MAP3K8: variants seen among roughly 807,000 people sequenced by gnomAD.
The protein encoded by MAP3K8 is mitogen-activated protein kinase kinase kinase 8, also known as Ewing sarcoma transformant.
MAP3K8 carries 22 observed loss-of-function variants against 45.8 expected under a neutral mutation model. The observed-to-expected ratio is 0.48, with a 90% CI of 0.34 to 0.69. The LOEUF (loss-of-function observed/expected upper bound fraction) is 0.69, where lower values mean the gene tolerates loss of function less well. MAP3K8 is among the 30% of genes least tolerant of loss of function. The pLI is 0.01. For synonymous variants in MAP3K8, 223 were observed against 214.3 expected (o/e 1.04, Z -0.36); for missense variants, 419 against 585.0 (o/e 0.72, Z 2.93).
At chr10:30,445,869 G>GTA (rs1836309327) in intron 3 of MAP3K8, among the ~76,000 whole-genome samples, 2 of 152,218 alleles carry the variant, frequency 1.3e-5, no homozygotes, top group South Asian at 4.1e-4. Flanking sequence ...ATCTGTTTGT[G>GTA]GGATGTGTAG....
intron 3 of MAP3K8, among the ~76,000 whole-genome samples, chr10:30,440,210 C>T (rs187068897): frequency 6.6e-6 from 1 of 152,168 alleles, no homozygotes; most frequent in African/African-American, 2.4e-5. Context: ...TTTAGTATGT[C>T]AGAGGTGAAC....
chr10:30,453,752 C>T (rs959024789), intron 6 of MAP3K8, among the ~76,000 whole-genome samples: 2 of 151,720 alleles, frequency 1.3e-5, no homozygotes, highest in African/African-American at 4.9e-5. Flanking sequence ...TAGGGATGGG[C>T]GTGGTGTTCT....
chr10:30,450,215 C>T (rs1429021431), intron 4 of MAP3K8, 43 bp from the exon 5 acceptor site: 1 of 1,536,410 alleles, frequency 6.5e-7, no homozygotes, highest in Non-Finnish European at 8.8e-7. Context: ...TTTAAGATGA[C>T]TTTGGGGTTA....
chr10:30,457,039 G>A (rs1012944011), intron 6 of MAP3K8, among the ~76,000 whole-genome samples: 3 of 151,020 alleles, frequency 2.0e-5, no homozygotes, highest in African/African-American at 7.3e-5. Context: ...AACCGAGATC[G>A]CACCATTGCA....
chr10:30,451,950 A>G (rs1205557016), intron 6 of MAP3K8, among the ~76,000 whole-genome samples: 2 of 152,124 alleles, frequency 1.3e-5, no homozygotes, highest in African/African-American at 4.8e-5. Context: ...ATTTTTTGCT[A>G]TGTTATTTAT....
At chr10:30,460,439 A>G (rs180728316) in intron 8 of MAP3K8, among the ~76,000 whole-genome samples, 4 of 152,264 alleles carry the variant, frequency 2.6e-5, no homozygotes, top group African/African-American at 9.6e-5. Flanking sequence ...CTGCTTGTCT[A>G]ACTTTTGTGT....
At chr10:30,450,675 T>A (rs1836506491) in intron 5 of MAP3K8, 156 bp downstream of exon 5, 5 of 641,660 alleles carry the variant, frequency 7.8e-6, no homozygotes, top group Middle Eastern at 4.2e-4. Flanking sequence ...TATCTTAGAA[T>A]CATGCGGGGT....
At position 30,437,262 on chromosome 10, in the gene MAP3K8, C is replaced by A; in HGVS notation, c.-168C>A. ...AGAAAGGAAGCTAACGCAGTATCTG[C>A]AAAGCCAGGAGTCTGACTCAGTACT... is the stretch of plus-strand genomic sequence containing the variant. On this transcript the variant is annotated 5_prime_UTR_variant, in exon 2 of 9. Coordinates refer to ENST00000263056, the MANE Select transcript of MAP3K8 (RefSeq NM_005204.4). 2 of 985,368 alleles carry A rather than the reference C, an allele frequency of 2.0e-6. No homozygotes were observed. Among genetic ancestry groups the A allele is most frequent in the Non-Finnish European group, 2.4e-6 (2 of 829,888 alleles). 61.0% of individuals were successfully genotyped at this position (985,368 alleles called of 1,614,324 possible).
At chr10:30,460,499 C>T (rs534244681) in intron 8 of MAP3K8, among the ~76,000 whole-genome samples, 10 of 152,248 alleles carry the variant, frequency 6.6e-5, no homozygotes, top group Admixed American at 6.5e-4. Context: ...GGATTTCTAA[C>T]TAATTTCTTG....
chr10:30,440,732 T>C (rs759526358), intron 3 of MAP3K8, among the ~76,000 whole-genome samples: 8 of 152,236 alleles, frequency 5.3e-5, no homozygotes, highest in Non-Finnish European at 1.0e-4. Context: ...TATATGTCTA[T>C]ACCGAGAAAT....
intron 7 of MAP3K8, 22 bp downstream of exon 7, chr10:30,458,258 C>CGGG (rs1836810414): frequency 1.4e-5 from 7 of 499,846 alleles, no homozygotes; most frequent in South Asian, 2.7e-5. Flanking sequence ...TCAACCAGGG[C>CGGG]TGGGGGCGGC....
rs56017896 is a variant in MAP3K8, at chr10:30,453,915, AGAAGGAAGGAAGGAAG to A, written c.873+2198_873+2213del. Among the ~76,000 whole-genome samples the A allele has an allele frequency of 5.8e-4, 75 of 129,164 alleles. 5 individuals carry two copies. In the East Asian group the frequency reaches 0.01, roughly 18 times the overall value. The allele number at this position is 129,164 out of a possible 152,430, so 84.7% of individuals were successfully genotyped here. ...AGAAGGAAGGGAGGGAGGGAGAGAGAGAAGGAAGGAAGGAAGGAAGGAAGGAAGGAAGGAAGGAAGG... is the reference window on the plus strand; with the variant it reads ...AGAAGGAAGGGAGGGAGGGAGAGAGAGAAGGAAGGAAGGAAGGAAGGAAGG... On this transcript the variant is annotated intron_variant, in intron 6 of 8. Coordinates refer to ENST00000263056, the MANE Select transcript of MAP3K8 (RefSeq NM_005204.4).
chr10:30,447,831 T>C lies in MAP3K8; in HGVS notation c.386T>C (p.Leu129Pro). The part of the protein sequence containing the change: ...GRYQIDSDVL[L>P]IPWKLTYRNI... ...TACCAAATAGATTCCGATGTTCTCC[T>C]GATCCCCTGGAAGCTGACTTACAGG... Residue 129 changes from leucine (L) to proline (P), a missense_variant, in exon 4 of 9, where the codon CTG becomes CCG. Physicochemically the swap from Leu to Pro is moderately conservative, Grantham distance 98. This residue lies in a region of MAP3K8 where 209 missense variants were observed against 367.3 expected (regional missense o/e 0.57). Transcript: ENST00000263056. 1 of 1,613,916 alleles carries C rather than the reference T, an allele frequency of 6.2e-7. No individual in the cohort carries two copies. The highest frequency in any genetic ancestry group is 8.5e-7 in the Non-Finnish European group (1 of 1,179,856).
chr10:30,459,245 T>C lies in MAP3K8; in HGVS notation c.1027-10T>C, dbSNP rs778452419. ...TACCTTTGATGCTAAGAGAGCTGGTTTGTTGATAGATCCACAAGCAAGCAC... is the reference window on the plus strand; with the variant it reads ...TACCTTTGATGCTAAGAGAGCTGGTCTGTTGATAGATCCACAAGCAAGCAC... On this transcript the variant is annotated splice_polypyrimidine_tract_variant and intron_variant, in intron 7 of 8. Transcript: ENST00000263056. 6 of 1,614,056 alleles carry C rather than the reference T, an allele frequency of 3.7e-6. No individual in the cohort carries two copies. The highest frequency in any genetic ancestry group is 5.1e-6 in the Non-Finnish European group (6 of 1,179,992).
intron 1 of MAP3K8, among the ~76,000 whole-genome samples, chr10:30,435,346 G>C (rs992831167): frequency 1.3e-5 from 2 of 152,158 alleles, no homozygotes; most frequent in Admixed American, 6.6e-5. Context: ...TGTGCAGGAC[G>C]TCTGGCATAC....
intron 6 of MAP3K8, 50 bp from the exon 7 acceptor site, chr10:30,458,034 C>A (rs1379137226): frequency 7.2e-7 from 1 of 1,386,492 alleles, no homozygotes; most frequent in Non-Finnish European, 9.5e-7. Flanking sequence ...GAAATGGAAA[C>A]CCACACAAAG....
intron 6 of MAP3K8, among the ~76,000 whole-genome samples, chr10:30,452,444 G>A (rs1836578153): frequency 6.6e-6 from 1 of 151,776 alleles, no homozygotes; most frequent in Non-Finnish European, 1.5e-5. Flanking sequence ...ACTCCAGCCT[G>A]GGCAACAAGA....
chr10:30,438,958 G>A lies in MAP3K8; in HGVS notation c.20G>A (p.Gly7Glu), dbSNP rs780995987. The change falls in exon 3 of 9, where the codon GGA becomes GAA. Residue 7 changes from glycine (G) to glutamate (E), a missense_variant. By Grantham distance (98) the Gly-to-Glu change is moderately conservative (BLOSUM62 -2). Around this residue, in one of 3 missense-constraint regions of MAP3K8, gnomAD observed 102 missense variants for 93.5 expected, o/e 1.09. Transcript: ENST00000263056. MEYMSTGSDNKEEIDLL... is the reference protein window; with the variant it reads MEYMSTESDNKEEIDLL... ...ACAGTAATGGAGTACATGAGCACTG[G>A]AAGTGACAATAAAGAAGAGATTGAT... 2.0e-5 allele frequency: 32 copies of A among 1,609,510 alleles called. No individual in the cohort carries two copies. In the Admixed American group the frequency reaches 5.3e-4, roughly 27 times the overall value.
At chr10:30,456,762 C>T (rs1042398551) in intron 6 of MAP3K8, among the ~76,000 whole-genome samples, 2 of 152,160 alleles carry the variant, frequency 1.3e-5, no homozygotes, top group Non-Finnish European at 2.9e-5. Context: ...TAGTCTCAAA[C>T]TCCTGGGCTC....
Sources: allele counts gnomAD v4.1 joint callset (sites outside exome capture counted in the v4.1 genomes callset), GRCh38; gene constraint gnomAD v4.1.1; regional missense constraint gnomAD v4.1.1; transcripts MANE v1.5; gene names NCBI Gene and HGNC (gene_info 2026-07-23, HGNC 2026-07-21).